AFG2A: variants seen among roughly 807,000 people sequenced by gnomAD.
The protein encoded by AFG2A is ATPase family gene 2 protein homolog A.
chr4:122,964,222 G>T, the AFG2A span, among the ~76,000 whole-genome samples: 267 of 152,194 alleles, frequency 1.8e-3, no homozygotes, highest in Non-Finnish European at 3.2e-3. Context: ...AAGTAATTGC[G>T]GCTGGGCATA....
At chr4:123,108,853 T>C in the AFG2A span, among the ~76,000 whole-genome samples, 40 of 152,324 alleles carry the variant, frequency 2.6e-4, no homozygotes, top group Middle Eastern at 6.8e-3. Flanking sequence ...TTCTATAGTT[T>C]GGGGCTTAAC....
At chr4:123,234,873 C>G in the AFG2A span, among the ~76,000 whole-genome samples, 2 of 152,118 alleles carry the variant, frequency 1.3e-5, no homozygotes, top group South Asian at 2.1e-4. Flanking sequence ...TAACCTCTCT[C>G]TAACTCAGTT....
chr4:123,273,153 G>A, the AFG2A span, among the ~76,000 whole-genome samples: 20 of 152,178 alleles, frequency 1.3e-4, no homozygotes, highest in East Asian at 1.5e-3. Flanking sequence ...CTCAGTCATC[G>A]CTGATCCTCA....
the AFG2A span, among the ~76,000 whole-genome samples, chr4:123,028,705 G>A: frequency 3.3e-5 from 5 of 152,002 alleles, no homozygotes; most frequent in South Asian, 1.0e-3. Context: ...TTTAATTATA[G>A]ACTTTTGCTT....
chr4:123,028,920 C>A, the AFG2A span, among the ~76,000 whole-genome samples: 1 of 152,182 alleles, frequency 6.6e-6, no homozygotes, highest in Admixed American at 6.5e-5. Flanking sequence ...GATAGATAAT[C>A]TTTCATGATA....
chr4:123,050,976 C>A, the AFG2A span, among the ~76,000 whole-genome samples: 1 of 151,936 alleles, frequency 6.6e-6, no homozygotes, highest in East Asian at 1.9e-4. Context: ...CCTGACCTAG[C>A]GATCCATCCC....
the AFG2A span, among the ~76,000 whole-genome samples, chr4:123,013,308 C>T: frequency 6.6e-6 from 1 of 152,126 alleles, no homozygotes; most frequent in African/African-American, 2.4e-5. Context: ...TATATAGGTG[C>T]AGGTCACAGG....
chr4:123,271,212 C>T, the AFG2A span, among the ~76,000 whole-genome samples: 3 of 152,182 alleles, frequency 2.0e-5, no homozygotes, highest in Non-Finnish European at 4.4e-5. Flanking sequence ...TGGTTATGTA[C>T]AATATCATGA....
the AFG2A span, among the ~76,000 whole-genome samples, chr4:123,153,600 ATTATAT>A: frequency 6.6e-6 from 1 of 152,194 alleles, no homozygotes; most frequent in Non-Finnish European, 1.5e-5. Flanking sequence ...TTACTGTAAA[ATTATAT>A]TTATAAGGGT....
At chr4:123,004,475 T>G in the AFG2A span, among the ~76,000 whole-genome samples, 1 of 152,238 alleles carries the variant, frequency 6.6e-6, no homozygotes, top group East Asian at 1.9e-4. Flanking sequence ...TTTTGAATGT[T>G]TTCTATGTTA....
the AFG2A span, among the ~76,000 whole-genome samples, chr4:123,247,647 C>T: frequency 6.6e-6 from 1 of 152,058 alleles, no homozygotes; most frequent in African/African-American, 2.4e-5. Context: ...AGGCTGGTCT[C>T]AAATGCCTGA....
At chr4:123,301,195 A>G in the AFG2A span, among the ~76,000 whole-genome samples, 2 of 152,202 alleles carry the variant, frequency 1.3e-5, no homozygotes, top group South Asian at 4.1e-4. Flanking sequence ...GTTTCAATGT[A>G]TTCTTAGATC....
chr4:123,193,460 A>G, the AFG2A span, among the ~76,000 whole-genome samples: 1 of 152,244 alleles, frequency 6.6e-6, no homozygotes, highest in Admixed American at 6.5e-5. Context: ...ATTACAGGTT[A>G]TTCCTAATAA....
the AFG2A span, among the ~76,000 whole-genome samples, chr4:123,053,485 G>A: frequency 6.6e-6 from 1 of 152,238 alleles, no homozygotes; most frequent in African/African-American, 2.4e-5. Flanking sequence ...GATCTGCTGT[G>A]TGAAGGAGAC....
At chr4:122,950,978 C>A in the AFG2A span, among the ~76,000 whole-genome samples, 1 of 152,190 alleles carries the variant, frequency 6.6e-6, no homozygotes, top group Admixed American at 6.5e-5. Context: ...AAGTTGTCCC[C>A]TATGTCCTGT....
At chr4:123,061,877 T>G in the AFG2A span, among the ~76,000 whole-genome samples, 1 of 152,214 alleles carries the variant, frequency 6.6e-6, no homozygotes, top group Non-Finnish European at 1.5e-5. Flanking sequence ...TCCACAGTTA[T>G]GTGACATCAG....
the AFG2A span, among the ~76,000 whole-genome samples, chr4:123,253,249 G>A: frequency 9.7e-4 from 148 of 152,180 alleles, no homozygotes; most frequent in South Asian, 1.9e-3. Context: ...TTGGGAGGCC[G>A]TGGCAGGCAG....
chr4:123,313,310 A>C, the AFG2A span, among the ~76,000 whole-genome samples: 2 of 152,186 alleles, frequency 1.3e-5, no homozygotes, highest in African/African-American at 4.8e-5. Context: ...TCCAAAGTAA[A>C]TGTTGACAAC....
chr4:123,274,277 T>TG, the AFG2A span, among the ~76,000 whole-genome samples: 1 of 152,096 alleles, frequency 6.6e-6, no homozygotes, highest in African/African-American at 2.4e-5. Flanking sequence ...TAATAGTGCC[T>TG]GGCCCCCAGT....
Sources: gnomAD v4.1 joint callset for allele counts (sites outside exome capture counted in the v4.1 genomes callset) on GRCh38, gnomAD v4.1.1 for gene constraint, MANE v1.5 for transcripts, NCBI Gene and HGNC (gene_info 2026-07-23, HGNC 2026-07-21) for gene names.